Variants in CFAP74 observed in about 807,000 individuals in gnomAD.
The protein encoded by CFAP74 is cilia and flagella associated protein 74.
In CFAP74, 124 loss-of-function variants were observed where a neutral mutation model predicts 188.9. That is an observed-to-expected ratio of 0.66 (90% CI 0.57 to 0.76). The LOEUF (loss-of-function observed/expected upper bound fraction) is 0.76, where lower values mean the gene tolerates loss of function less well. Ranked by LOEUF, CFAP74 falls within the 30% of genes least tolerant of loss-of-function variation. CFAP74 has a pLI of 0.00. For missense variants in CFAP74, 2,198 were observed against 2,165.2 expected (o/e 1.02, Z -0.30); for synonymous variants, 956 against 916.7 (o/e 1.04, Z -0.77).
intron 1 of CFAP74, among the ~76,000 whole-genome samples, chr1:2,001,324 T>G (rs1047860151): frequency 2.6e-5 from 4 of 151,946 alleles, no homozygotes; most frequent in African/African-American, 9.7e-5. Context: ...TTTGTTTTGT[T>G]TTTCATTTTG....
chr1:1,925,664 C>T (rs1651828075), intron 33 of CFAP74, 119 bp downstream of exon 33: 2 of 1,122,834 alleles, frequency 1.8e-6, no homozygotes, highest in African/African-American at 1.6e-5. Context: ...GAGGGGGCCA[C>T]CTGTGTCCCC....
chr1:1,968,107 G>C lies in CFAP74; in HGVS notation c.1245+528C>G, dbSNP rs1010019713. Among the ~76,000 whole-genome samples, 10 of 150,946 alleles carry C rather than the reference G, an allele frequency of 6.6e-5. No individual in the cohort carries two copies. Among genetic ancestry groups the C allele is most frequent in the African/African-American group, 2.4e-4 (10 of 41,054 alleles). On this transcript the variant is annotated intron_variant, in intron 11 of 38. Transcript: ENST00000682832. The surrounding 1 kb of genome is among the most constrained non-coding windows in gnomAD (Gnocchi z 4.3). ...AAAGAGTGAATGAGTGAATGAATGA[G>C]TGAATGAATGAAGAATGAGTGAGTG... is the stretch of plus-strand genomic sequence containing the variant.
chr1:1,954,176 A>T (rs28657980), intron 18 of CFAP74: 11,138 of 152,276 alleles, frequency 0.073, 574 homozygotes, highest in South Asian at 0.19. Flanking sequence ...CCCCCAGACA[A>T]GCAGCCCCGG....
intron 10 of CFAP74, among the ~76,000 whole-genome samples, chr1:1,970,100 G>A (rs1240931537): frequency 1.3e-5 from 2 of 152,246 alleles, no homozygotes; most frequent in Non-Finnish European, 1.5e-5. Context: ...GGTCCGAGAG[G>A]GCAACATGGG....
chr1:1,926,009 G>T, intron 32 of CFAP74, 71 bp from the exon 33 acceptor site: 1 of 1,485,558 alleles, frequency 6.7e-7, no homozygotes, highest in Non-Finnish European at 9.0e-7. Flanking sequence ...TGCCTCAGGG[G>T]CAGTGGGTTC....
rs750648437 is a variant in CFAP74, at chr1:1,988,598, G to C, written c.210C>G (p.Asp70Glu). The change falls in exon 4 of 39, where the codon GAC becomes GAG. Residue 70 changes from aspartate (D) to glutamate (E), a missense_variant. Transcript: ENST00000682832. ...ADKLKKKTAE[D>E]RTQAFHLRQN... Reference sequence around the variant, plus strand: ...GCCGCAGGTGAAATGCCTGCGTTCTGTCCTCAGCTGTTTTCTTCTTCAATT... The same window carrying C: ...GCCGCAGGTGAAATGCCTGCGTTCTCTCCTCAGCTGTTTTCTTCTTCAATT... 70 of 1,612,796 alleles carry C rather than the reference G, an allele frequency of 4.3e-5. 1 individual carries two copies. Among genetic ancestry groups the C allele is most frequent in the Non-Finnish European group, 5.8e-5 (68 of 1,180,012 alleles).
At chr1:1,957,663 C>T (rs570757000) in intron 16 of CFAP74, among the ~76,000 whole-genome samples, 12 of 152,268 alleles carry the variant, frequency 7.9e-5, no homozygotes, top group East Asian at 1.9e-4. Context: ...GGGGCCTCGC[C>T]GGGCACGTGC....
At chr1:1,946,027 T>C (rs1159716263) in intron 20 of CFAP74, among the ~76,000 whole-genome samples, 1 of 148,076 alleles carries the variant, frequency 6.8e-6, no homozygotes, top group Non-Finnish European at 1.5e-5. Context: ...TGTGCGTGTG[T>C]ACGTGTGTGT....
chr1:1,964,540 A>T (rs1271243472), intron 13 of CFAP74, among the ~76,000 whole-genome samples: 1 of 152,248 alleles, frequency 6.6e-6, no homozygotes, highest in Non-Finnish European at 1.5e-5. Context: ...CTGCAATCCC[A>T]GCACTTTGGG....
chr1:1,948,695 C>A (rs1302438549), intron 18 of CFAP74, among the ~76,000 whole-genome samples: 1 of 150,060 alleles, frequency 6.7e-6, no homozygotes, highest in African/African-American at 2.5e-5. Flanking sequence ...CTCAAGCGAT[C>A]CTCCCGGCTC....
intron 14 of CFAP74, among the ~76,000 whole-genome samples, chr1:1,963,405 C>T (rs1217533241): frequency 4.2e-5 from 6 of 144,002 alleles, no homozygotes; most frequent in East Asian, 4.3e-4. Flanking sequence ...GAGCTGAGAC[C>T]GCGCCATCGC....
chr1:1,946,089 G>T (rs1264918923), intron 20 of CFAP74, among the ~76,000 whole-genome samples: 1 of 152,166 alleles, frequency 6.6e-6, no homozygotes, highest in Non-Finnish European at 1.5e-5. Context: ...GTTTTTGCAT[G>T]GGCATGCGTG....
In CFAP74 at chr1:1,963,772, G is replaced by C; in HGVS notation, c.1671C>G (p.His557Gln). Reference sequence around the variant, plus strand: ...ACTCAACGTGGATGAAGTCCCGGAGGTGCTCCTCCACGCCCACCAGCTTGC... The same window carrying C: ...ACTCAACGTGGATGAAGTCCCGGAGCTGCTCCTCCACGCCCACCAGCTTGC... Reference protein sequence around the residue: ...NYCKLVGVEEHLRDFIHVDFD... With the variant: ...NYCKLVGVEEQLRDFIHVDFD... The change falls in exon 14 of 39, where the codon CAC (histidine) becomes CAG (glutamine). Residue 557 changes from histidine to glutamine, a missense_variant. His to Gln is a conservative substitution (Grantham distance 24). Coordinates refer to ENST00000682832, the MANE Select transcript of CFAP74 (RefSeq NM_001304360.2). 1 of 1,613,562 alleles carries C rather than the reference G, an allele frequency of 6.2e-7. No homozygotes were observed. Among genetic ancestry groups the C allele is most frequent in the South Asian group, 1.1e-5 (1 of 91,044 alleles).
At chr1:1,936,831 G>A (rs902803583) in intron 25 of CFAP74, among the ~76,000 whole-genome samples, 1 of 152,000 alleles carries the variant, frequency 6.6e-6, no homozygotes, top group Non-Finnish European at 1.5e-5. Context: ...GCTTGAACCC[G>A]GGAGGTGGAG....
intron 30 of CFAP74, 47 bp from the exon 31 acceptor site, chr1:1,926,559 A>G (rs896250830): frequency 6.5e-7 from 1 of 1,548,006 alleles, no homozygotes; most frequent in African/African-American, 1.4e-5. Context: ...GGCCCCAGGG[A>G]GCGTCTCTGC....
intron 25 of CFAP74, among the ~76,000 whole-genome samples, chr1:1,934,802 CGT>C (rs1212344469): frequency 5.9e-5 from 7 of 118,490 alleles, no homozygotes; most frequent in African/African-American, 2.4e-4. Context: ...TAGGTACACA[CGT>C]GTGTATGTGG....
Position 1,975,182 on chromosome 1 carries a change from C to T in CFAP74, c.501-984G>A, listed in dbSNP as rs74827459. Among the ~76,000 whole-genome samples the T allele has an allele frequency of 1.3e-5, 2 of 152,226 alleles. No individual in the cohort carries two copies. Among genetic ancestry groups the T allele is most frequent in the African/African-American group, 4.8e-5 (2 of 41,468 alleles). On this transcript the variant is annotated intron_variant, in intron 6 of 38. Coordinates refer to ENST00000682832, the MANE Select transcript of CFAP74 (RefSeq NM_001304360.2). This position sits in a 1 kb window ranked among gnomAD's most constrained non-coding sequence, Gnocchi z 4.5. ...TCGTTAAAAGCTTTTCCTGTGGAGC[C>T]GAGTCCAGTCTCTCTCCCCACTGCA...
At chr1:1,939,017 T>C (rs1653159570) in intron 24 of CFAP74, 29 bp from the exon 25 acceptor site, 2 of 1,531,044 alleles carry the variant, frequency 1.3e-6, no homozygotes, top group South Asian at 1.2e-5. Context: ...TCTGAGGGCA[T>C]GTCACGGGGA....
At chr1:1,970,144 G>GA (rs1655840097) in intron 10 of CFAP74, among the ~76,000 whole-genome samples, 1 of 152,218 alleles carries the variant, frequency 6.6e-6, no homozygotes, top group African/African-American at 2.4e-5. Context: ...AGTGAAGCCA[G>GA]AAGCAACGTG....
Sources: allele counts gnomAD v4.1 joint callset (sites outside exome capture counted in the v4.1 genomes callset), GRCh38; gene constraint gnomAD v4.1.1; non-coding constraint Gnocchi (gnomAD v3.1); transcripts MANE v1.5; gene names NCBI Gene and HGNC (gene_info 2026-07-23, HGNC 2026-07-21).